UNC5C: variants seen among roughly 807,000 people sequenced by gnomAD.
The protein encoded by UNC5C is netrin receptor UNC5C.
Under a neutral mutation model 99.8 loss-of-function variants are expected in UNC5C, and 47 were observed. The ratio of observed to expected loss-of-function variants is 0.47; its 90% CI spans 0.37 to 0.60. UNC5C has a LOEUF of 0.60. UNC5C is among the 20% of genes least tolerant of loss of function. The pLI is 0.00. For missense variants in UNC5C, 1,062 were observed against 1,165.9 expected (o/e 0.91, Z 1.30); for synonymous variants, 487 against 452.2 (o/e 1.08, Z -0.98).
At chr4:95,476,029 T>C (rs1316936305) in intron 1 of UNC5C, among the ~76,000 whole-genome samples, 1 of 152,132 alleles carries the variant, frequency 6.6e-6, no homozygotes, top group Admixed American at 6.6e-5. Flanking sequence ...GAAGACCATA[T>C]GATGAACTGT....
intron 1 of UNC5C, among the ~76,000 whole-genome samples, chr4:95,478,767 A>C (rs1721038790): frequency 6.6e-6 from 1 of 152,004 alleles, no homozygotes; most frequent in African/African-American, 2.4e-5. Context: ...TCCCTTTCAA[A>C]TCTCATATGA....
At chr4:95,296,690 C>T (rs921478028) in intron 3 of UNC5C, among the ~76,000 whole-genome samples, 14 of 152,126 alleles carry the variant, frequency 9.2e-5, no homozygotes, top group African/African-American at 3.4e-4. Flanking sequence ...ATATATTGTG[C>T]TTGCTATTAA....
chr4:95,242,408 A>C (rs747734293), intron 7 of UNC5C, 21 bp downstream of exon 7: 11 of 1,613,838 alleles, frequency 6.8e-6, no homozygotes, highest in Admixed American at 3.3e-5. Context: ...CAATGTCTGC[A>C]GTTTGCTTAA....
At chr4:95,457,845 A>C (rs1037143992) in intron 1 of UNC5C, among the ~76,000 whole-genome samples, 2 of 152,140 alleles carry the variant, frequency 1.3e-5, no homozygotes, top group African/African-American at 4.8e-5. Context: ...AACCACAACG[A>C]AAGCATGTGG....
intron 1 of UNC5C, among the ~76,000 whole-genome samples, chr4:95,349,181 T>A (rs756555926): frequency 6.6e-6 from 1 of 151,184 alleles, no homozygotes; most frequent in African/African-American, 2.4e-5. Flanking sequence ...AATACTCCAT[T>A]TACCTTGATG....
intron 1 of UNC5C, among the ~76,000 whole-genome samples, chr4:95,346,188 T>C (rs1440438186): frequency 6.6e-6 from 1 of 151,764 alleles, no homozygotes; most frequent in Non-Finnish European, 1.5e-5. Flanking sequence ...GGAGAAGAAA[T>C]GGATAAATTT....
Position 95,367,853 on chromosome 4 carries a change from T to C in UNC5C, c.125-32222A>G, listed in dbSNP as rs146402247. On this transcript the variant is annotated intron_variant, in intron 1 of 15. Transcript: ENST00000453304. Reference sequence around the variant, plus strand: ...GGTGCTTAAGAAATTCTTTTTGAATTGATCAGCTTCTATCTAAGAACATTA... The same window carrying C: ...GGTGCTTAAGAAATTCTTTTTGAATCGATCAGCTTCTATCTAAGAACATTA... Among the ~76,000 whole-genome samples, 1,341 of 152,336 alleles carry C rather than the reference T, an allele frequency of 8.8e-3. 26 individuals are homozygous for C. The highest frequency in any genetic ancestry group is 0.03 in the African/African-American group (1,230 of 41,562).
At chr4:95,247,152 C>A (rs1245695552) in intron 5 of UNC5C, among the ~76,000 whole-genome samples, 1 of 151,970 alleles carries the variant, frequency 6.6e-6, no homozygotes, top group African/African-American at 2.4e-5. Context: ...CTTCTTTGAC[C>A]TTTTCTGTAT....
intron 12 of UNC5C, among the ~76,000 whole-genome samples, chr4:95,188,170 T>A (rs1048113998): frequency 8.5e-5 from 13 of 152,178 alleles, no homozygotes; most frequent in Non-Finnish European, 4.4e-5. Flanking sequence ...AACTCCATAT[T>A]GGAGACTGCT....
intron 1 of UNC5C, among the ~76,000 whole-genome samples, chr4:95,397,495 T>C (rs550202198): frequency 6.6e-6 from 1 of 152,358 alleles, no homozygotes; most frequent in South Asian, 2.1e-4. Context: ...ACCTGGTGTC[T>C]TTATAGCTCT....
At chr4:95,350,891 A>G (rs1743964824) in intron 1 of UNC5C, among the ~76,000 whole-genome samples, 1 of 152,084 alleles carries the variant, frequency 6.6e-6, no homozygotes, top group South Asian at 2.1e-4. Flanking sequence ...TTGAGACCAC[A>G]ATTAGTGACC....
intron 1 of UNC5C, among the ~76,000 whole-genome samples, chr4:95,531,151 C>T (rs1722632525): frequency 6.6e-6 from 1 of 152,104 alleles, no homozygotes; most frequent in Non-Finnish European, 1.5e-5. Flanking sequence ...TTAAATTTTT[C>T]TTTGTTTCCA....
intron 12 of UNC5C, among the ~76,000 whole-genome samples, chr4:95,200,870 C>T (rs917470246): frequency 6.6e-6 from 1 of 152,030 alleles, no homozygotes; most frequent in South Asian, 2.1e-4. Context: ...TGTGCCCCCC[C>T]CAAATTCATA....
intron 1 of UNC5C, among the ~76,000 whole-genome samples, chr4:95,367,335 A>G (rs946387837): frequency 6.6e-6 from 1 of 151,510 alleles, no homozygotes; most frequent in Non-Finnish European, 1.5e-5. Flanking sequence ...TGCCCAGCTA[A>G]TTTTTTTGTA....
chr4:95,451,054 G>A (rs895466412), intron 1 of UNC5C, among the ~76,000 whole-genome samples: 51 of 152,294 alleles, frequency 3.3e-4, no homozygotes, highest in African/African-American at 1.2e-3. Context: ...AACTACATTT[G>A]TTTCATAAAA....
Position 95,430,187 on chromosome 4 carries a change from G to T in UNC5C, c.125-94556C>A, listed in dbSNP as rs547950569. Among the ~76,000 whole-genome samples the T allele has an allele frequency of 1.2e-4, 19 of 152,162 alleles. No individual in the cohort carries two copies. In the East Asian group the frequency reaches 3.3e-3, roughly 26 times the overall value. ...GGTCGATAATGATGTGTCAATGTAG[G>T]TTCATCAACTGTAAGAAATGTACCA... On this transcript the variant is annotated intron_variant, in intron 1 of 15. Coordinates refer to ENST00000453304, the MANE Select transcript of UNC5C (RefSeq NM_003728.4).
chr4:95,479,898 C>T (rs1162144475), intron 1 of UNC5C, among the ~76,000 whole-genome samples: 8 of 151,812 alleles, frequency 5.3e-5, no homozygotes, highest in East Asian at 3.9e-4. Flanking sequence ...CCATAGAGAA[C>T]GGGCCTCATC....
intron 1 of UNC5C, among the ~76,000 whole-genome samples, chr4:95,481,299 A>G (rs960140778): frequency 9.2e-5 from 14 of 151,918 alleles, no homozygotes; most frequent in African/African-American, 3.1e-4. Flanking sequence ...ATCCAACTTA[A>G]AAGGGATGTG....
At chr4:95,318,447 A>G (rs1227047621) in intron 2 of UNC5C, among the ~76,000 whole-genome samples, 3 of 152,210 alleles carry the variant, frequency 2.0e-5, no homozygotes, top group Admixed American at 6.5e-5. Flanking sequence ...TAAGCCTAGG[A>G]GACAAATGCA....
Sources: gnomAD v4.1 joint callset for allele counts (sites outside exome capture counted in the v4.1 genomes callset) on GRCh38, gnomAD v4.1.1 for gene constraint, MANE v1.5 for transcripts, NCBI Gene and HGNC (gene_info 2026-07-23, HGNC 2026-07-21) for gene names.